Variants in BLMH observed in about 807,000 individuals in gnomAD.
BLMH encodes the protein bleomycin hydrolase.
In BLMH, 32 loss-of-function variants were observed where a neutral mutation model predicts 61.6. The ratio of observed to expected loss-of-function variants is 0.52; its 90% confidence interval spans 0.39 to 0.70. The LOEUF (loss-of-function observed/expected upper bound fraction) is 0.70. Among genes scored for constraint, BLMH ranks in the 30% least tolerant of loss-of-function variants. The probability of loss-of-function intolerance (pLI) is 0.00; values close to 1 mark genes in which losing one functional copy is unlikely to be tolerated. For synonymous variants in BLMH, 183 were observed against 193.8 expected (o/e 0.94, Z 0.46); for missense variants, 460 against 555.5 (o/e 0.83, Z 1.73).
At position 30,274,197 on chromosome 17, in the gene BLMH, T is replaced by C. The variant is rs778865567; in HGVS notation, c.646A>G (p.Ile216Val). 2.5e-6 allele frequency: 4 copies of C among 1,613,262 alleles called. No individual in the cohort carries two copies. Among genetic ancestry groups the C allele is most frequent in the Non-Finnish European group, 3.4e-6 (4 of 1,179,774 alleles). ...SATQDVMMEE[I>V]FRVVCICLGN... ...AAACAGATGCACACCACTCGGAATA[T>C]CTGGAAGAGAGGAGGAGGAAAGGCG... The change falls in exon 7 of 12, where the codon ATA becomes GTA. Residue 216 changes from isoleucine (I) to valine (V), a missense_variant and splice_region_variant. Physicochemically the swap from Ile to Val is conservative, Grantham distance 29 (BLOSUM62 3). Coordinates refer to ENST00000261714, the MANE Select transcript of BLMH (RefSeq NM_000386.4).
chr17:30,281,904 G>A (rs1026080818), intron 6 of BLMH, among the ~76,000 whole-genome samples: 2 of 152,144 alleles, frequency 1.3e-5, no homozygotes, highest in African/African-American at 2.4e-5. Flanking sequence ...CTATTCCAGG[G>A]AAACTGACTT....
At chr17:30,288,665 G>A (rs1418417500) in intron 3 of BLMH, among the ~76,000 whole-genome samples, 1 of 151,930 alleles carries the variant, frequency 6.6e-6, no homozygotes, top group Non-Finnish European at 1.5e-5. Flanking sequence ...ACATTTTGAA[G>A]ATTAGGAAAT....
At position 30,291,286 on chromosome 17, in the gene BLMH, G is replaced by C. The variant is rs200925867; in HGVS notation, c.211+25C>G. 8 of 1,600,524 alleles carry C rather than the reference G, an allele frequency of 5.0e-6. No homozygotes were observed. The Admixed American group carries it at 1.0e-4, about 20-fold the overall frequency. ...GACGCTGTCAGGAAGGTCAAGGAACGTATGGGAGAAGTGGAAGCCCACACC... is the reference window on the plus strand; with the variant it reads ...GACGCTGTCAGGAAGGTCAAGGAACCTATGGGAGAAGTGGAAGCCCACACC... On this transcript the variant is annotated intron_variant, in intron 2 of 11. Coordinates refer to ENST00000261714, the MANE Select transcript of BLMH (RefSeq NM_000386.4).
At chr17:30,262,028 CA>C (rs1314651046) in intron 11 of BLMH, among the ~76,000 whole-genome samples, 12 of 152,040 alleles carry the variant, frequency 7.9e-5, no homozygotes, top group African/African-American at 2.7e-4. Context: ...CTGAAAGGAA[CA>C]AAAGCAATGT....
Position 30,291,806 on chromosome 17 carries a change from C to A in BLMH, c.13+1G>T, listed in dbSNP as rs1234401528. 1 of 1,392,116 alleles carries A rather than the reference C, an allele frequency of 7.2e-7. No individual in the cohort carries two copies. Among genetic ancestry groups the A allele is most frequent in the Non-Finnish European group, 9.3e-7 (1 of 1,077,540 alleles). The allele number at this position is 1,392,116 out of a possible 1,614,324, so 86.2% of individuals were successfully genotyped here. A position where few individuals can be genotyped will look rare whatever the true frequency, so the allele number is the denominator to read the frequency against. Reference sequence around the variant, plus strand: ...CGCGGCGGGGGACGGCGGCACCTCACCCGAGCTGCTCATGGCGCCCACGCT... The same window carrying A: ...CGCGGCGGGGGACGGCGGCACCTCAACCGAGCTGCTCATGGCGCCCACGCT... On this transcript the variant is annotated splice_donor_variant, in intron 1 of 11. Transcript: ENST00000261714. LOFTEE classifies it high-confidence loss of function.
chr17:30,282,510 G>A (rs969202311), intron 6 of BLMH, among the ~76,000 whole-genome samples: 1 of 152,148 alleles, frequency 6.6e-6, no homozygotes, highest in Admixed American at 6.5e-5. Flanking sequence ...GAGCCACTGC[G>A]CCCAACTGAG....
chr17:30,272,988 A>G (rs1447935659), intron 7 of BLMH, 89 bp from the exon 8 acceptor site: 23 of 1,422,588 alleles, frequency 1.6e-5, no homozygotes, highest in Non-Finnish European at 2.2e-5. Context: ...GTTTCCATCA[A>G]GCTCATCATC....
chr17:30,291,240 T>C, intron 2 of BLMH, 71 bp downstream of exon 2: 1 of 1,555,316 alleles, frequency 6.4e-7, no homozygotes, highest in Non-Finnish European at 8.7e-7. Flanking sequence ...AAGACCACTC[T>C]TAAATAAGAC....
chr17:30,253,687 A>G (rs1179132080), intron 11 of BLMH, among the ~76,000 whole-genome samples: 1 of 152,204 alleles, frequency 6.6e-6, no homozygotes, highest in Non-Finnish European at 1.5e-5. Context: ...AAAAGAAAAG[A>G]AAACAAAATA....
At chr17:30,274,222 GA>G (rs1378388235) in intron 6 of BLMH, 25 bp from the exon 7 acceptor site, 1 of 1,609,154 alleles carries the variant, frequency 6.2e-7, no homozygotes, top group Non-Finnish European at 8.5e-7. Context: ...GAGGAAAGGC[GA>G]GCAATGGTTA....
In BLMH at chr17:30,274,064, G is replaced by C; in HGVS notation, c.779C>G (p.Pro260Arg). 6.2e-7 allele frequency: 1 copy of C among 1,614,112 alleles called. No individual in the cohort carries two copies. The highest frequency in any genetic ancestry group is 8.5e-7 in the Non-Finnish European group (1 of 1,180,026). The change falls in exon 7 of 12, where the codon CCA becomes CGA. Residue 260 changes from proline to arginine, a missense_variant. Pro to Arg is a moderately radical substitution (Grantham distance 103). This residue lies in a region of BLMH where 310 missense variants were observed against 371.1 expected (regional missense o/e 0.84). Transcript: ENST00000261714. ...AACCTTATCTTCCATATTGAAGAGTGGCTTGACATGTTCCCTGTAAAACTC... is the reference window on the plus strand; with the variant it reads ...AACCTTATCTTCCATATTGAAGAGTCGCTTGACATGTTCCCTGTAAAACTC... ...PLEFYREHVK[P>R]LFNMEDKICL... is the part of the protein sequence containing the mutation.
At chr17:30,256,721 A>G (rs1444031115) in intron 11 of BLMH, among the ~76,000 whole-genome samples, 1 of 151,450 alleles carries the variant, frequency 6.6e-6, no homozygotes, top group Non-Finnish European at 1.5e-5. Flanking sequence ...TGCTATTATA[A>G]TGAAAAAAAA....
chr17:30,259,251 G>A (rs1242264537), intron 11 of BLMH, among the ~76,000 whole-genome samples: 4 of 152,134 alleles, frequency 2.6e-5, no homozygotes, highest in African/African-American at 4.8e-5. Flanking sequence ...TTGAAAGAAC[G>A]AAGTACTGAC....
chr17:30,258,810 A>C (rs1014659847), intron 11 of BLMH, among the ~76,000 whole-genome samples: 6 of 152,100 alleles, frequency 3.9e-5, no homozygotes, highest in African/African-American at 1.4e-4. Context: ...ACCCCAAACT[A>C]TCGCTACTCC....
chr17:30,272,261 A>G, intron 9 of BLMH: 1 of 416,302 alleles, frequency 2.4e-6, no homozygotes, highest in Non-Finnish European at 4.3e-6. Context: ...CACTGAACAC[A>G]TTTCCGCAAT....
chr17:30,273,722 T>C lies in BLMH; in HGVS notation c.801+320A>G, dbSNP rs1908343458. The C allele has an allele frequency of 1.5e-5, 5 of 328,078 alleles. No individual in the cohort carries two copies. The South Asian group carries it at 1.8e-4, about 12-fold the overall frequency. 20.3% of individuals were successfully genotyped at this position (328,078 alleles called of 1,614,324 possible). A position where few individuals can be genotyped will look rare whatever the true frequency, so the allele number is the denominator to read the frequency against. On this transcript the variant is annotated intron_variant, in intron 7 of 11. Transcript: ENST00000261714. ...GTGCAAAAGTGCTCTGAATCCACGATAAGAAATACCCAACACACTTTCATT... is the reference window on the plus strand; with the variant it reads ...GTGCAAAAGTGCTCTGAATCCACGACAAGAAATACCCAACACACTTTCATT...
At chr17:30,263,512 T>C (rs2129785) in intron 11 of BLMH, among the ~76,000 whole-genome samples, 12,360 of 152,180 alleles carry the variant, frequency 0.081, 708 homozygotes, top group Non-Finnish European at 0.13. Flanking sequence ...GAAACCCAGG[T>C]TGGTATTACA....
intron 6 of BLMH, among the ~76,000 whole-genome samples, chr17:30,283,858 T>C (rs560369121): frequency 6.6e-6 from 1 of 152,244 alleles, no homozygotes; most frequent in Admixed American, 6.5e-5. Flanking sequence ...AGGCAAATTA[T>C]GTAGCAGATA....
intron 2 of BLMH, among the ~76,000 whole-genome samples, chr17:30,290,074 T>C (rs899958651): frequency 3.9e-5 from 6 of 152,210 alleles, no homozygotes; most frequent in Non-Finnish European, 7.3e-5. Context: ...AAAATAATTT[T>C]GTAACAAGAA....
Sources: allele counts gnomAD v4.1 joint callset (sites outside exome capture counted in the v4.1 genomes callset), GRCh38; gene constraint gnomAD v4.1.1; regional missense constraint gnomAD v4.1.1; transcripts MANE v1.5; gene names NCBI Gene and HGNC (gene_info 2026-07-23, HGNC 2026-07-21).